Variants in RBMS3 observed in about 807,000 individuals in gnomAD.
RBMS3 encodes the protein RNA binding motif single stranded interacting protein 3.
In RBMS3, 27 loss-of-function variants were observed where a neutral mutation model predicts 66.8. That is an observed-to-expected ratio of 0.40 (90% CI 0.30 to 0.56). RBMS3 has a LOEUF of 0.56. Ranked by LOEUF, RBMS3 falls within the 20% of genes least tolerant of loss-of-function variation. The pLI is 0.40. For missense variants in RBMS3, 513 were observed against 549.5 expected (o/e 0.93, Z 0.66); for synonymous variants, 188 against 183.0 (o/e 1.03, Z -0.22).
At chr3:29,325,458 G>A (rs2035265378) in intron 1 of RBMS3, among the ~76,000 whole-genome samples, 1 of 151,700 alleles carries the variant, frequency 6.6e-6, no homozygotes, top group South Asian at 2.1e-4. Flanking sequence ...AACCTGGGAA[G>A]CCAATGTAAG....
intron 4 of RBMS3, among the ~76,000 whole-genome samples, chr3:29,701,736 A>G (rs56227544): frequency 0.12 from 18,900 of 152,092 alleles, 2,502 homozygotes; most frequent in African/African-American, 0.33. Flanking sequence ...CGGAGGGTGC[A>G]CCTGGTCCTC....
At position 29,791,322 on chromosome 3, in the gene RBMS3, A is replaced by G. The variant is rs560833864; in HGVS notation, c.637+28333A>G. Among the ~76,000 whole-genome samples the G allele has an allele frequency of 8.2e-4, 125 of 152,264 alleles. 1 individual carries two copies. The highest frequency in any genetic ancestry group is 1.4e-3 in the Non-Finnish European group (94 of 68,028). ...GTGTTGCTGTTTTAATAGAAATTCC[A>G]TGTTCCACAATGAAAGTAACTGACC... On this transcript the variant is annotated intron_variant, in intron 6 of 14. Coordinates refer to ENST00000383767, the MANE Select transcript of RBMS3 (RefSeq NM_001003793.3).
chr3:29,614,209 T>A (rs1456632156), intron 4 of RBMS3, among the ~76,000 whole-genome samples: 1 of 152,014 alleles, frequency 6.6e-6, no homozygotes, highest in Non-Finnish European at 1.5e-5. Flanking sequence ...TTAAGTGAAA[T>A]AAGCCAGGCA....
chr3:29,509,077 T>G (rs9990409), intron 3 of RBMS3, among the ~76,000 whole-genome samples: 12,002 of 151,188 alleles, frequency 0.079, 836 homozygotes, highest in East Asian at 0.35. Flanking sequence ...GTTTAAGTTC[T>G]TTGTAGATTC....
At chr3:29,567,944 A>C (rs1458777296) in intron 3 of RBMS3, among the ~76,000 whole-genome samples, 4 of 152,184 alleles carry the variant, frequency 2.6e-5, no homozygotes, top group African/African-American at 9.6e-5. Flanking sequence ...GAAATGGTTC[A>C]GTTTTGTGAA....
At chr3:29,922,670 AG>A (rs1346678613) in intron 10 of RBMS3, among the ~76,000 whole-genome samples, 2 of 152,174 alleles carry the variant, frequency 1.3e-5, no homozygotes, top group African/African-American at 2.4e-5. Context: ...GTACCCCCTC[AG>A]TATTTCAAGT....
chr3:29,682,308 G>C (rs1434786650), intron 4 of RBMS3, among the ~76,000 whole-genome samples: 2 of 152,138 alleles, frequency 1.3e-5, no homozygotes, highest in African/African-American at 4.8e-5. Context: ...ACCATGTCCA[G>C]GTAATTTTTT....
intron 13 of RBMS3, among the ~76,000 whole-genome samples, chr3:29,990,374 A>C (rs1354166500): frequency 4.8e-5 from 7 of 144,812 alleles, no homozygotes; most frequent in Non-Finnish European, 7.7e-5. Flanking sequence ...ACCAAATAAA[A>C]TCACCTATGC....
chr3:29,444,248 A>T (rs1332382898), intron 2 of RBMS3, among the ~76,000 whole-genome samples: 2 of 152,116 alleles, frequency 1.3e-5, no homozygotes, highest in Non-Finnish European at 2.9e-5. Flanking sequence ...TACATATGTT[A>T]ACTCATTTAG....
intron 14 of RBMS3, among the ~76,000 whole-genome samples, chr3:29,995,691 AAAATC>A (rs1699181507): frequency 6.6e-6 from 1 of 152,178 alleles, no homozygotes; most frequent in South Asian, 2.1e-4. Flanking sequence ...AAGGAGAAAT[AAAATC>A]CTTTACAAAC....
chr3:29,971,703 T>C (rs143253321), intron 12 of RBMS3, among the ~76,000 whole-genome samples: 22 of 152,208 alleles, frequency 1.4e-4, no homozygotes, highest in African/African-American at 5.1e-4. Context: ...TTAGGCATGG[T>C]CTTTCTAGTT....
intron 1 of RBMS3, among the ~76,000 whole-genome samples, chr3:29,377,400 G>T (rs1240820150): frequency 6.6e-6 from 1 of 152,126 alleles, no homozygotes; most frequent in Non-Finnish European, 1.5e-5. Context: ...CTAATAAGAA[G>T]CCAAGGTTGA....
At chr3:29,869,529 A>G (rs2059440146) in intron 7 of RBMS3, among the ~76,000 whole-genome samples, 1 of 152,146 alleles carries the variant, frequency 6.6e-6, no homozygotes, top group Non-Finnish European at 1.5e-5. Flanking sequence ...AAGAGGGAGA[A>G]AAGTTGATAC....
intron 3 of RBMS3, among the ~76,000 whole-genome samples, chr3:29,543,207 C>T (rs1192969261): frequency 2.0e-5 from 3 of 151,344 alleles, no homozygotes; most frequent in East Asian, 3.9e-4. Flanking sequence ...AGTTCTGTTA[C>T]ACAAACCAGG....
At chr3:29,889,655 TAA>T (rs1023720858) in intron 8 of RBMS3, among the ~76,000 whole-genome samples, 1 of 151,780 alleles carries the variant, frequency 6.6e-6, no homozygotes. Context: ...CTTTCCATGA[TAA>T]GTTTGACAAT....
intron 4 of RBMS3, among the ~76,000 whole-genome samples, chr3:29,621,737 A>G (rs2048871089): frequency 6.6e-6 from 1 of 152,182 alleles, no homozygotes; most frequent in Non-Finnish European, 1.5e-5. Context: ...TTGTGGCAGT[A>G]AAATGTATGC....
chr3:29,644,781 T>G (rs1464753552), intron 4 of RBMS3, among the ~76,000 whole-genome samples: 1 of 152,200 alleles, frequency 6.6e-6, no homozygotes, highest in Non-Finnish European at 1.5e-5. Flanking sequence ...AGTTCATGGC[T>G]GACATTTTTA....
chr3:29,979,870 A>G (rs993114405), intron 12 of RBMS3, among the ~76,000 whole-genome samples: 4 of 152,266 alleles, frequency 2.6e-5, no homozygotes, highest in Middle Eastern at 3.4e-3. Flanking sequence ...AGTCTTTGCT[A>G]TTGTGAACAG....
chr3:29,375,103 A>G (rs1464401814), intron 1 of RBMS3, among the ~76,000 whole-genome samples: 1 of 152,192 alleles, frequency 6.6e-6, no homozygotes, highest in East Asian at 1.9e-4. Context: ...AAAAAGAAGC[A>G]ATAGGGAAAG....
Sources: allele counts gnomAD v4.1 joint callset (sites outside exome capture counted in the v4.1 genomes callset), GRCh38; gene constraint gnomAD v4.1.1; transcripts MANE v1.5; gene names NCBI Gene and HGNC (gene_info 2026-07-23, HGNC 2026-07-21).